The following PXDN variants were observed in gnomAD, a reference collection of about 807,000 sequenced individuals.
PXDN encodes the protein peroxidasin, also known as peroxidasin homolog.
PXDN carries 77 observed loss-of-function variants against 140.3 expected under a neutral mutation model. That is an observed-to-expected ratio of 0.55 (90% confidence interval 0.46 to 0.66). PXDN has a LOEUF of 0.66. Among genes scored for constraint, PXDN ranks in the 30% least tolerant of loss-of-function variants. The probability of loss-of-function intolerance (pLI) is 0.00; values close to 1 mark genes in which losing one functional copy is unlikely to be tolerated. For missense variants in PXDN, 1,838 were observed against 2,039.5 expected, an observed-to-expected ratio of 0.90 and a Z score of 1.90; for synonymous variants, 911 against 857.4, an observed-to-expected ratio of 1.06 and a Z score of -1.09.
chr2:1,688,846 A>G (rs149175228), intron 3 of PXDN, among the ~76,000 whole-genome samples: 144 of 152,330 alleles, frequency 9.5e-4, no homozygotes, highest in African/African-American at 3.2e-3. Context: ...ATAATATTAT[A>G]TAATTCATAT....
At chr2:1,737,656 C>T (rs972022386) in intron 1 of PXDN, among the ~76,000 whole-genome samples, 1 of 152,022 alleles carries the variant, frequency 6.6e-6, no homozygotes, top group Non-Finnish European at 1.5e-5. Flanking sequence ...TCTCCTACCT[C>T]AGCCTCCCGA....
At chr2:1,683,216 A>G (rs1683956009) in intron 6 of PXDN, among the ~76,000 whole-genome samples, 1 of 150,644 alleles carries the variant, frequency 6.6e-6, no homozygotes, top group Non-Finnish European at 1.5e-5. Context: ...ACCCTGTCAC[A>G]AAAAAAGAAA....
intron 16 of PXDN, among the ~76,000 whole-genome samples, chr2:1,650,441 G>C (rs1205636415): frequency 6.6e-6 from 1 of 152,188 alleles, no homozygotes; most frequent in Non-Finnish European, 1.5e-5. Context: ...AGCTACAGAA[G>C]AAATTCCAAA....
intron 3 of PXDN, among the ~76,000 whole-genome samples, chr2:1,688,324 TG>T (rs1325120339): frequency 6.6e-6 from 1 of 152,218 alleles, no homozygotes; most frequent in Non-Finnish European, 1.5e-5. Flanking sequence ...GAAGCTCTGC[TG>T]GAACACGCCC....
intron 6 of PXDN, 97 bp from the exon 7 acceptor site, chr2:1,680,459 G>GTGCCAGGCC: frequency 6.9e-7 from 1 of 1,453,194 alleles, no homozygotes; most frequent in Non-Finnish European, 9.6e-7. Context: ...CGGGAAACAT[G>GTGCCAGGCC]TGCCAGGCCT....
At chr2:1,693,797 C>T (rs150626984) in intron 1 of PXDN, among the ~76,000 whole-genome samples, 88 of 152,276 alleles carry the variant, frequency 5.8e-4, no homozygotes, top group African/African-American at 1.6e-3. Flanking sequence ...CCAGAGAGTA[C>T]GCCAGAATCG....
Position 1,651,684 on chromosome 2 carries a change from C to A in PXDN, c.2104+1944G>T, listed in dbSNP as rs936464175. On this transcript the variant is annotated intron_variant, in intron 16 of 22. Coordinates refer to ENST00000252804, the MANE Select transcript of PXDN (RefSeq NM_012293.3). The surrounding 1 kb of genome is among the most constrained non-coding windows in gnomAD (Gnocchi z 4.4). ...GGTCCCCTCAGATGCTCCAGGGAGG[C>A]CCCCTCGCCCTTGTGGGGTCCCTGC... Among the ~76,000 whole-genome samples, 2 of 152,188 alleles carry A rather than the reference C, an allele frequency of 1.3e-5. No individual in the cohort carries two copies. Among genetic ancestry groups the A allele is most frequent in the African/African-American group, 4.8e-5 (2 of 41,448 alleles).
chr2:1,658,065 T>C lies in PXDN; in HGVS notation c.1837+2816A>G, dbSNP rs911753752. 1.4e-3 allele frequency among the ~76,000 whole-genome samples: 113 copies of C among 82,364 alleles called. 6 individuals carry two copies. The highest frequency in any genetic ancestry group is 3.5e-3 in the East Asian group (7 of 1,988). 54.0% of individuals were successfully genotyped at this position (82,364 alleles called of 152,430 possible). The stretch of plus-strand genomic sequence containing the variant: ...CTCTCTCTCTCTCTCTCTCTCTCTC[T>C]CTCTCTCTCTCTCTCTCTCTCTCTC... On this transcript the variant is annotated intron_variant, in intron 14 of 22. Transcript: ENST00000252804.
intron 14 of PXDN, among the ~76,000 whole-genome samples, chr2:1,658,528 G>A (rs1194288963): frequency 3.3e-5 from 5 of 151,890 alleles, no homozygotes; most frequent in Non-Finnish European, 7.4e-5. Context: ...CCGGGTGCAG[G>A]CACTCCTTCT....
At chr2:1,721,014 A>T (rs140240468) in intron 1 of PXDN, among the ~76,000 whole-genome samples, 1 of 152,152 alleles carries the variant, frequency 6.6e-6, no homozygotes, top group Non-Finnish European at 1.5e-5. Flanking sequence ...TTATTCCGTT[A>T]AGGCCTTCAA....
chr2:1,681,683 C>T (rs1288844539), intron 6 of PXDN, among the ~76,000 whole-genome samples: 1 of 152,104 alleles, frequency 6.6e-6, no homozygotes, highest in African/African-American at 2.4e-5. Flanking sequence ...AGCAGGTGCA[C>T]AGCTCTCAGG....
chr2:1,713,152 C>G (rs1330386669), intron 1 of PXDN, among the ~76,000 whole-genome samples: 1 of 152,198 alleles, frequency 6.6e-6, no homozygotes, highest in East Asian at 1.9e-4. Flanking sequence ...CCCCAAGCCG[C>G]TGCACAAGGC....
At position 1,649,185 on chromosome 2, in the gene PXDN, A is replaced by C. The variant is rs1682946588; in HGVS notation, c.2595T>G (p.Asn865Lys). The C allele has an allele frequency of 1.4e-6, 2 of 1,421,932 alleles. No homozygotes were observed. Among genetic ancestry groups the C allele is most frequent in the East Asian group, 3.9e-5 (1 of 25,328 alleles). 88.1% of individuals were successfully genotyped at this position (1,421,932 alleles called of 1,614,324 possible). ...GGGCCCCGCTCCTGGCCCGGGAGTC[A>C]TTGGGGGGGATCATGACAGAGAAGC... ...PPCFSVMIPP[N>K]DSRARSGARC... is the part of the protein sequence containing the mutation. The change falls in exon 17 of 23, where the codon AAT becomes AAG. Residue 865 changes from asparagine (N) to lysine (K), a missense_variant. By Grantham distance (94) the Asn-to-Lys change is moderately conservative (BLOSUM62 0). Around this residue, in one of 5 missense-constraint regions of PXDN, gnomAD observed 850 missense variants for 894.1 expected, o/e 0.95. Transcript: ENST00000252804. This position sits in a 1 kb window ranked among gnomAD's most constrained non-coding sequence, Gnocchi z 7.1.
Position 1,679,534 on chromosome 2 carries a change from ATG to A in PXDN, c.730+657_730+658del, listed in dbSNP as rs1249173993. ...GTGCGTGTGTGTGGTTTGTGTCTGCATGTGTGTGTGTCTATAAATGGTGTGTG... is the reference window on the plus strand; with the variant it reads ...GTGCGTGTGTGTGGTTTGTGTCTGCATGTGTGTGTCTATAAATGGTGTGTG... On this transcript the variant is annotated intron_variant, in intron 7 of 22. Transcript: ENST00000252804. Among the ~76,000 whole-genome samples the A allele has an allele frequency of 1.1e-3, 119 of 111,078 alleles. No homozygotes were observed. In the Middle Eastern group the frequency reaches 0.022, roughly 21 times the overall value. The allele number at this position is 111,078 out of a possible 152,430, so 72.9% of individuals were successfully genotyped here.
chr2:1,680,590 C>T (rs987961374), intron 6 of PXDN, among the ~76,000 whole-genome samples: 78 of 152,182 alleles, frequency 5.1e-4, no homozygotes, highest in African/African-American at 1.7e-3. Flanking sequence ...GTGCACAGTG[C>T]CCCTCAAGGC....
chr2:1,663,926 C>A lies in PXDN; in HGVS notation c.1409-163G>T, dbSNP rs964600017. 3 of 760,860 alleles carry A rather than the reference C, an allele frequency of 3.9e-6. No homozygotes were observed. In the East Asian group the frequency reaches 7.8e-5, roughly 20 times the overall value. The allele number at this position is 760,860 out of a possible 1,614,324, so 47.1% of individuals were successfully genotyped here. A position where few individuals can be genotyped will look rare whatever the true frequency, so the allele number is the denominator to read the frequency against. On this transcript the variant is annotated intron_variant, in intron 11 of 22. Coordinates refer to ENST00000252804, the MANE Select transcript of PXDN (RefSeq NM_012293.3). ...AAATCTTTGCCTCCCCAGCAGACAC[C>A]ATGGTGACACCTGAACGTCCCTGCA...
intron 16 of PXDN, 90 bp downstream of exon 16, chr2:1,653,538 G>C: frequency 6.7e-7 from 1 of 1,502,084 alleles, no homozygotes; most frequent in South Asian, 1.2e-5. Context: ...GAAAATGCTG[G>C]AACTCTTCCC....
Position 1,714,527 on chromosome 2 carries a change from A to T in PXDN, c.201-21393T>A, listed in dbSNP as rs895976086. Among the ~76,000 whole-genome samples the T allele has an allele frequency of 7.9e-5, 12 of 152,114 alleles. No individual in the cohort carries two copies. The highest frequency in any genetic ancestry group is 2.9e-5 in the Non-Finnish European group (2 of 68,014). On this transcript the variant is annotated intron_variant, in intron 1 of 22. Coordinates refer to ENST00000252804, the MANE Select transcript of PXDN (RefSeq NM_012293.3). This position sits in a 1 kb window ranked among gnomAD's most constrained non-coding sequence, Gnocchi z 4.3. ...ACGCTCAGGGAAATGCCCCTCCCAC[A>T]GCAGGCCCAGTGCGTGCATTCCCTG...
At chr2:1,711,731 G>C (rs919635653) in intron 1 of PXDN, among the ~76,000 whole-genome samples, 22 of 152,196 alleles carry the variant, frequency 1.4e-4, no homozygotes, top group Non-Finnish European at 2.6e-4. Flanking sequence ...TCCACTGGGG[G>C]AAGGCAAGTG....
Sources: gnomAD v4.1 joint callset for allele counts (sites outside exome capture counted in the v4.1 genomes callset) on GRCh38, gnomAD v4.1.1 for gene constraint, gnomAD v4.1.1 regional missense constraint, Gnocchi (gnomAD v3.1) non-coding constraint, MANE v1.5 for transcripts, NCBI Gene and HGNC (gene_info 2026-07-23, HGNC 2026-07-21) for gene names.